The following FHIT variants were observed in gnomAD, a reference collection of about 807,000 sequenced individuals.
FHIT encodes the protein fragile histidine triad diadenosine triphosphatase, also known as bis(5'-adenosyl)-triphosphatase.
A neutral mutation model predicts 17.9 loss-of-function variants in FHIT; 19 were observed. That is an observed-to-expected ratio of 1.06 (90% CI 0.74 to 1.56). FHIT has a LOEUF of 1.56. Ranked by LOEUF, FHIT falls within the 40% of genes most tolerant of loss-of-function variation. FHIT has a pLI of 0.00. For synonymous variants in FHIT, 81 were observed against 69.7 expected (o/e 1.16, Z -0.81); for missense variants, 248 against 189.2 (o/e 1.31, Z -1.82).
intron 3 of FHIT, chr3:60,856,707 C>G (rs1462870202): frequency 6.6e-6 from 1 of 152,212 alleles, no homozygotes; most frequent in Non-Finnish European, 1.5e-5. Flanking sequence ...AAAACCTTGT[C>G]ACAATCCACA....
At chr3:59,957,270 G>C (rs1278500075) in intron 7 of FHIT, among the ~76,000 whole-genome samples, 1 of 152,168 alleles carries the variant, frequency 6.6e-6, no homozygotes, top group Non-Finnish European at 1.5e-5. Flanking sequence ...AGGGAATTTG[G>C]ATACACAAAG....
chr3:60,229,349 G>A (rs1366624345), intron 5 of FHIT, among the ~76,000 whole-genome samples: 3 of 151,744 alleles, frequency 2.0e-5, no homozygotes, highest in South Asian at 2.1e-4. Context: ...CCAGGGAGGC[G>A]GAGGTTGCAG....
rs1708919623 is a variant in FHIT at position 59,986,520 on chromosome 3, TATATATATATATATATATATACACACAC to T, written c.279+24823_279+24850del. Reference sequence around the variant, plus strand: ...CAAAATATATATATATATATATATATATATATATATATATATATATACACACACACACACACACACACACACACATATA... The same window carrying T: ...CAAAATATATATATATATATATATATACACACACACACACACACACATATA... On this transcript the variant is annotated intron_variant, in intron 7 of 9. Transcript: ENST00000492590. Among the ~76,000 whole-genome samples, 22 of 13,118 alleles carry T rather than the reference TATATATATATATATATATATACACACAC, an allele frequency of 1.7e-3. 2 individuals carry two copies. The East Asian group carries it at 0.057, about 34-fold the overall frequency. 8.6% of individuals were successfully genotyped at this position (13,118 alleles called of 152,430 possible).
At chr3:60,295,209 C>G (rs576956563) in intron 5 of FHIT, among the ~76,000 whole-genome samples, 2 of 152,154 alleles carry the variant, frequency 1.3e-5, no homozygotes, top group Admixed American at 6.6e-5. Context: ...ATGATTACAC[C>G]TGTGAATAGC....
At chr3:60,878,353 T>C (rs891616113) in intron 3 of FHIT, among the ~76,000 whole-genome samples, 45 of 152,110 alleles carry the variant, frequency 3.0e-4, no homozygotes, top group African/African-American at 9.9e-4. Flanking sequence ...CTCAAAGCAA[T>C]GGAACTGCTT....
At chr3:60,600,970 G>A (rs1553668589) in intron 4 of FHIT, among the ~76,000 whole-genome samples, 1 of 152,034 alleles carries the variant, frequency 6.6e-6, no homozygotes, top group Non-Finnish European at 1.5e-5. Flanking sequence ...TCCCCTTCCG[G>A]GCCCCTCACC....
intron 5 of FHIT, among the ~76,000 whole-genome samples, chr3:60,279,615 G>C (rs987731230): frequency 1.3e-5 from 2 of 151,930 alleles, no homozygotes; most frequent in Admixed American, 1.3e-4. Context: ...CCCATTAAAA[G>C]AAAGAAAAAC....
intron 5 of FHIT, among the ~76,000 whole-genome samples, chr3:60,273,026 A>G (rs1397606088): frequency 6.6e-6 from 1 of 152,242 alleles, no homozygotes; most frequent in Non-Finnish European, 1.5e-5. Context: ...CAAGGTAAAC[A>G]ATGGATTAGT....
At chr3:60,056,474 T>C (rs1222686406) in intron 5 of FHIT, among the ~76,000 whole-genome samples, 1 of 152,248 alleles carries the variant, frequency 6.6e-6, no homozygotes, top group Non-Finnish European at 1.5e-5. Context: ...TCTTCTGCAC[T>C]CCTTATTGTG....
At chr3:60,521,032 T>C (rs960989025) in intron 5 of FHIT, among the ~76,000 whole-genome samples, 12 of 152,192 alleles carry the variant, frequency 7.9e-5, no homozygotes, top group African/African-American at 2.9e-4. Flanking sequence ...ATCCAGGGTG[T>C]TATTTTAATG....
At chr3:60,962,483 G>T (rs1194594295) in intron 3 of FHIT, among the ~76,000 whole-genome samples, 1 of 152,228 alleles carries the variant, frequency 6.6e-6, no homozygotes, top group Non-Finnish European at 1.5e-5. Context: ...TAGGAGTGGT[G>T]AAAGAGGGCA....
At chr3:60,857,441 C>A (rs782645486) in intron 3 of FHIT, among the ~76,000 whole-genome samples, 1 of 152,114 alleles carries the variant, frequency 6.6e-6, no homozygotes, top group Non-Finnish European at 1.5e-5. Flanking sequence ...TATAATCCCT[C>A]TAATCCCTAT....
Position 60,600,323 on chromosome 3 carries a change from T to TA in FHIT, c.-17-63345dup, listed in dbSNP as rs201743123. Among the ~76,000 whole-genome samples the TA allele has an allele frequency of 4.0e-3, 591 of 147,870 alleles. 6 individuals are homozygous for TA. Among genetic ancestry groups the TA allele is most frequent in the African/African-American group, 0.014 (555 of 39,798 alleles). On this transcript the variant is annotated intron_variant, in intron 4 of 9. Transcript: ENST00000492590. ...TTACAAACAAGGAAGCCTACTTGATTAAAAAAAAATAAGCAGCAAAAATAA... is the reference window on the plus strand; with the variant it reads ...TTACAAACAAGGAAGCCTACTTGATTAAAAAAAAAATAAGCAGCAAAAATAA...
At chr3:60,507,147 T>C (rs893480832) in intron 5 of FHIT, among the ~76,000 whole-genome samples, 1 of 152,162 alleles carries the variant, frequency 6.6e-6, no homozygotes, top group Non-Finnish European at 1.5e-5. Flanking sequence ...TGGCCAAGAC[T>C]GAGGTTTCAA....
chr3:60,788,700 C>A (rs1700668446), intron 4 of FHIT, among the ~76,000 whole-genome samples: 1 of 152,020 alleles, frequency 6.6e-6, no homozygotes. Flanking sequence ...TATTCCTACT[C>A]CATAGAATTG....
intron 1 of FHIT, among the ~76,000 whole-genome samples, chr3:61,228,029 C>A (rs1380917351): frequency 6.6e-6 from 1 of 152,108 alleles, no homozygotes; most frequent in Non-Finnish European, 1.5e-5. Flanking sequence ...AAAGTAAACA[C>A]AATCTACAGC....
chr3:61,047,087 C>G (rs1319037141), intron 2 of FHIT, among the ~76,000 whole-genome samples: 2 of 152,186 alleles, frequency 1.3e-5, no homozygotes, highest in Non-Finnish European at 2.9e-5. Flanking sequence ...TGGCACAAGA[C>G]AGGGATGCCC....
chr3:60,918,814 A>G (rs1479716294), intron 3 of FHIT, among the ~76,000 whole-genome samples: 5 of 152,268 alleles, frequency 3.3e-5, no homozygotes, highest in African/African-American at 1.2e-4. Context: ...GCAATGAAAA[A>G]GTATTAATTC....
chr3:60,757,497 T>C (rs1699477441), intron 4 of FHIT, among the ~76,000 whole-genome samples: 1 of 152,166 alleles, frequency 6.6e-6, no homozygotes, highest in African/African-American at 2.4e-5. Flanking sequence ...CCTTAGGTGA[T>C]TGTGTCTAAA....
Sources: gnomAD v4.1 joint callset for allele counts (sites outside exome capture counted in the v4.1 genomes callset) on GRCh38, gnomAD v4.1.1 for gene constraint, MANE v1.5 for transcripts, NCBI Gene and HGNC (gene_info 2026-07-23, HGNC 2026-07-21) for gene names.